Variants in NCOA3 observed in about 807,000 individuals in gnomAD.
NCOA3 encodes the protein nuclear receptor coactivator 3, also known as CBP-interacting protein.
A neutral mutation model predicts 158.8 loss-of-function variants in NCOA3; 51 were observed. The observed-to-expected ratio is 0.32, with a 90% CI of 0.26 to 0.41. NCOA3 has a LOEUF of 0.41. Among genes scored for constraint, NCOA3 ranks in the 10% least tolerant of loss-of-function variants. NCOA3 has a pLI of 1.00. For missense variants in NCOA3, 1,510 were observed against 1,746.6 expected (o/e 0.86, Z 2.41); for synonymous variants, 537 against 592.4 (o/e 0.91, Z 1.36).
chr20:47,647,905 GTTTGT>G (rs2086715456), intron 18 of NCOA3, among the ~76,000 whole-genome samples: 1 of 123,284 alleles, frequency 8.1e-6, no homozygotes. Flanking sequence ...TTGTTTGTTT[GTTTGT>G]TTTGTTTTGT....
chr20:47,635,464 T>C lies in NCOA3; in HGVS notation c.1255T>C (p.Leu419=). ...LQMPSSRAYG[L]ADPSTTGQMS... ...GATGCCGAGCAGCAGGGCCTATGGCTTGGCAGACCCTAGCACCACAGGGCA... is the reference window on the plus strand; with the variant it reads ...GATGCCGAGCAGCAGGGCCTATGGCCTGGCAGACCCTAGCACCACAGGGCA... The change falls in exon 11 of 23, where the codon TTG becomes CTG. Residue 419 remains leucine, a synonymous_variant. Transcript: ENST00000371998. The C allele has an allele frequency of 6.2e-7, 1 of 1,614,106 alleles. No homozygotes were observed. The highest frequency in any genetic ancestry group is 8.5e-7 in the Non-Finnish European group (1 of 1,180,016).
chr20:47,618,152 T>A (rs1367720871), intron 2 of NCOA3, among the ~76,000 whole-genome samples: 1 of 152,036 alleles, frequency 6.6e-6, no homozygotes, highest in Non-Finnish European at 1.5e-5. Flanking sequence ...CGAGAATCAT[T>A]TGAACCCGGG....
chr20:47,630,338 A>G (rs961792430), intron 8 of NCOA3: 1 of 152,024 alleles, frequency 6.6e-6, no homozygotes, highest in Non-Finnish European at 1.5e-5. Context: ...AATCTCCAGT[A>G]GCTTTTGCAG....
At chr20:47,613,595 CAG>C in intron 2 of NCOA3, among the ~76,000 whole-genome samples, 1 of 151,404 alleles carries the variant, frequency 6.6e-6, no homozygotes, top group Non-Finnish European at 1.5e-5. Flanking sequence ...CCCTCTCTGA[CAG>C]AGGATGAGGA....
At chr20:47,648,664 C>G (rs371933248) in intron 18 of NCOA3, among the ~76,000 whole-genome samples, 18 of 152,130 alleles carry the variant, frequency 1.2e-4, no homozygotes, top group African/African-American at 4.1e-4. Context: ...GGGGTTTCTT[C>G]ATGTTGCCCA....
intron 17 of NCOA3, among the ~76,000 whole-genome samples, chr20:47,645,890 A>G (rs932014527): frequency 2.4e-4 from 36 of 152,334 alleles, no homozygotes; most frequent in Admixed American, 2.6e-4. Flanking sequence ...AATGGAAAGA[A>G]GGGAGGGATA....
intron 1 of NCOA3, among the ~76,000 whole-genome samples, chr20:47,561,483 CT>C (rs1005729381): frequency 5.1e-4 from 73 of 143,866 alleles, no homozygotes; most frequent in Admixed American, 4.2e-4. Context: ...TTTTCTTTTT[CT>C]TTTTTTTTTT....
At chr20:47,509,220 C>T (rs1403671385) in intron 1 of NCOA3, among the ~76,000 whole-genome samples, 1 of 151,628 alleles carries the variant, frequency 6.6e-6, no homozygotes, top group Non-Finnish European at 1.5e-5. Context: ...AAGATCCTGT[C>T]TCTATAAAAA....
rs1312535702 is a variant in NCOA3 at position 47,567,669 on chromosome 20, A to C, written c.-98-15514A>C. ...ACTGCAACCTCTGCCTCCTGGGTTCAAGTGATTCTCTTGCCTCAGCCTCAC... is the reference window on the plus strand; with the variant it reads ...ACTGCAACCTCTGCCTCCTGGGTTCCAGTGATTCTCTTGCCTCAGCCTCAC... On this transcript the variant is annotated intron_variant, in intron 1 of 22. Transcript: ENST00000371998. 2.0e-5 allele frequency among the ~76,000 whole-genome samples: 3 copies of C among 152,230 alleles called. No individual in the cohort carries two copies. The East Asian group carries it at 5.8e-4, about 29-fold the overall frequency.
chr20:47,539,699 C>A (rs1301118857), intron 1 of NCOA3, among the ~76,000 whole-genome samples: 1 of 152,144 alleles, frequency 6.6e-6, no homozygotes, highest in Admixed American at 6.6e-5. Flanking sequence ...GTTTAAGATA[C>A]CATCAATTAT....
chr20:47,597,582 G>A (rs772812221), intron 2 of NCOA3, among the ~76,000 whole-genome samples: 1 of 150,462 alleles, frequency 6.6e-6, no homozygotes, highest in African/African-American at 2.4e-5. Context: ...TCTGCCTCCC[G>A]GGTTCATGCC....
chr20:47,625,473 T>A lies in NCOA3; in HGVS notation c.349T>A (p.Leu117Ile), dbSNP rs1222380534. The A allele has an allele frequency of 6.2e-7, 1 of 1,604,266 alleles. No homozygotes were observed. The highest frequency in any genetic ancestry group is 8.5e-7 in the Non-Finnish European group (1 of 1,171,104). The change falls in exon 5 of 23, where the codon TTA becomes ATA. Residue 117 changes from leucine (L) to isoleucine (I), a missense_variant. By Grantham distance (5) the Leu-to-Ile change is conservative (BLOSUM62 2). Coordinates refer to ENST00000371998, the MANE Select transcript of NCOA3 (RefSeq NM_181659.3). ...TGATAAAGACTCCTTAGGACCGCTT[T>A]TACTTCAGGCAAGTATAAAGATTTT... The part of the protein sequence containing the change: ...VIDKDSLGPL[L>I]LQALDGFLFV...
chr20:47,550,472 G>C (rs1302099660), intron 1 of NCOA3, among the ~76,000 whole-genome samples: 3 of 151,890 alleles, frequency 2.0e-5, no homozygotes, highest in African/African-American at 7.2e-5. Context: ...AAAGGTGGGG[G>C]GGTTTGAAAC....
intron 1 of NCOA3, among the ~76,000 whole-genome samples, chr20:47,506,100 C>T (rs969059028): frequency 6.6e-6 from 1 of 152,100 alleles, no homozygotes; most frequent in Non-Finnish European, 1.5e-5. Flanking sequence ...CCACCGCTCC[C>T]GGCCCATTTT....
chr20:47,556,054 C>T (rs1040214751), intron 1 of NCOA3, among the ~76,000 whole-genome samples: 52 of 151,758 alleles, frequency 3.4e-4, no homozygotes, highest in African/African-American at 1.2e-3. Context: ...CCTGCCTCAG[C>T]CCCCTGGGTA....
chr20:47,551,288 A>G (rs1240064060), intron 1 of NCOA3, among the ~76,000 whole-genome samples: 1 of 152,192 alleles, frequency 6.6e-6, no homozygotes, highest in Non-Finnish European at 1.5e-5. Flanking sequence ...TAGTTTTTCA[A>G]GAATCTTCTG....
intron 1 of NCOA3, among the ~76,000 whole-genome samples, chr20:47,531,436 G>A (rs751532896): frequency 7.9e-5 from 12 of 152,154 alleles, no homozygotes; most frequent in Non-Finnish European, 1.3e-4. Flanking sequence ...GGAATTTAAG[G>A]GTTCAAAGTG....
intron 2 of NCOA3, among the ~76,000 whole-genome samples, chr20:47,620,056 AGTG>A (rs1466598844): frequency 9.2e-5 from 14 of 151,918 alleles, no homozygotes; most frequent in Non-Finnish European, 1.8e-4. Flanking sequence ...GGCCTCCCAA[AGTG>A]GTGGGATTAC....
chr20:47,524,615 G>A (rs897050425), intron 1 of NCOA3, among the ~76,000 whole-genome samples: 2 of 152,200 alleles, frequency 1.3e-5, no homozygotes, highest in African/African-American at 4.8e-5. Context: ...AGGGACAAGT[G>A]AAGGGAGAAG....
Sources: allele counts gnomAD v4.1 joint callset (sites outside exome capture counted in the v4.1 genomes callset), GRCh38; gene constraint gnomAD v4.1.1; transcripts MANE v1.5; gene names NCBI Gene and HGNC (gene_info 2026-07-23, HGNC 2026-07-21).